The following SLC67A1 variants were observed in gnomAD, a reference collection of about 807,000 sequenced individuals.
SLC67A1 encodes solute carrier family 67 member 1.
chr11:2,915,296 T>TGTGC, the SLC67A1 span: 129 of 905,008 alleles, frequency 1.4e-4, no homozygotes, highest in South Asian at 1.3e-3. Context: ...TGTGTGTGTG[T>TGTGC]GCGCATGTGG....
chr11:2,909,425 C>G, the SLC67A1 span: 3 of 1,464,436 alleles, frequency 2.0e-6, no homozygotes, highest in South Asian at 2.6e-5. Context: ...CCCGGGACAC[C>G]TCCAGGGAGG....
At chr11:2,917,721 C>T in the SLC67A1 span, among the ~76,000 whole-genome samples, 112 of 152,354 alleles carry the variant, frequency 7.4e-4, no homozygotes, top group Middle Eastern at 0.017. Context: ...AGTCTACCTG[C>T]GTGCAGAGAA....
At chr11:2,902,439 C>A in the SLC67A1 span, 2 of 239,410 alleles carry the variant, frequency 8.4e-6, no homozygotes, top group Non-Finnish European at 1.4e-5. Context: ...CGCACCTCTG[C>A]CCAATGAGGT....
At chr11:2,915,110 C>G in the SLC67A1 span, 4 of 985,258 alleles carry the variant, frequency 4.1e-6, no homozygotes, top group Admixed American at 2.5e-4. Flanking sequence ...ATGCCAGCAC[C>G]CCCCTAGACT....
At chr11:2,922,240 C>T in the SLC67A1 span, 1 of 1,584,706 alleles carries the variant, frequency 6.3e-7, no homozygotes, top group Admixed American at 1.7e-5. Flanking sequence ...TCACCTGACC[C>T]TCTCACTGGG....
At chr11:2,924,923 G>A in the SLC67A1 span, 1 of 1,281,502 alleles carries the variant, frequency 7.8e-7, no homozygotes, top group Non-Finnish European at 1.1e-6. The surrounding 1 kb of genome is among the most constrained non-coding windows in gnomAD (Gnocchi z 8.6). Context: ...TGGGTCAGGA[G>A]AGATGGGAGG....
At chr11:2,916,724 C>T in the SLC67A1 span, 2 of 1,613,006 alleles carry the variant, frequency 1.2e-6, 1 homozygote, top group South Asian at 2.2e-5. Context: ...AAACTGACGC[C>T]CAGGCTCCAC....
the SLC67A1 span, among the ~76,000 whole-genome samples, chr11:2,924,034 A>ACCCTCTGGGCACGGGACCAGAGG: frequency 1.3e-5 from 2 of 151,994 alleles, no homozygotes; most frequent in African/African-American, 4.8e-5. This position sits in a 1 kb window ranked among gnomAD's most constrained non-coding sequence, Gnocchi z 8.6. Context: ...GGAGCCAGAG[A>ACCCTCTGGGCACGGGACCAGAGG]CCCTCTGGGC....
At chr11:2,918,907 C>T in the SLC67A1 span, 1 of 190,248 alleles carries the variant, frequency 5.3e-6, no homozygotes. Context: ...CTTTTCCAGG[C>T]TGGTCTCAAA....
chr11:2,908,386 G>A, the SLC67A1 span: 1 of 1,344,718 alleles, frequency 7.4e-7, no homozygotes, highest in Non-Finnish European at 1.0e-6. Flanking sequence ...CCCCCTCTCA[G>A]ACGCCATGGG....
the SLC67A1 span, chr11:2,922,492 C>G: frequency 6.2e-7 from 1 of 1,612,800 alleles, no homozygotes; most frequent in East Asian, 2.2e-5. Context: ...TGGTGTTCAG[C>G]CTCTGCACCC....
the SLC67A1 span, among the ~76,000 whole-genome samples, chr11:2,904,829 G>A: frequency 6.6e-6 from 1 of 152,232 alleles, no homozygotes; most frequent in Non-Finnish European, 1.5e-5. Flanking sequence ...GAGAGGCCCC[G>A]GGGCAGTGGA....
the SLC67A1 span, chr11:2,917,900 G>C: frequency 5.7e-4 from 577 of 1,008,546 alleles, 2 homozygotes; most frequent in African/African-American, 7.2e-3. Context: ...GCGCAACAGG[G>C]CCCTCCGAAT....
At chr11:2,918,941 C>T in the SLC67A1 span, 2 of 229,512 alleles carry the variant, frequency 8.7e-6, no homozygotes, top group Non-Finnish European at 1.8e-5. Flanking sequence ...TCAGTCCTCC[C>T]TCTTCGGCCT....
the SLC67A1 span, chr11:2,919,267 G>T: frequency 6.7e-7 from 1 of 1,488,026 alleles, no homozygotes; most frequent in African/African-American, 1.4e-5. Flanking sequence ...CAAGGTCGGG[G>T]TGTGGGGGTA....
the SLC67A1 span, chr11:2,899,706 A>T: frequency 1.3e-5 from 20 of 1,491,308 alleles, no homozygotes; most frequent in Non-Finnish European, 1.8e-5. Context: ...CCCCATTCAC[A>T]CTGAGCCTGT....
chr11:2,908,094 GC>G, the SLC67A1 span: 1 of 610,454 alleles, frequency 1.6e-6, no homozygotes, highest in South Asian at 1.9e-5. Context: ...CCTGGGAAGG[GC>G]CCCTCGATGG....
the SLC67A1 span, among the ~76,000 whole-genome samples, chr11:2,922,916 G>A: frequency 6.6e-6 from 1 of 152,210 alleles, no homozygotes; most frequent in African/African-American, 2.4e-5. Flanking sequence ...CCAGCACGGG[G>A]AGTGGGGCAC....
the SLC67A1 span, chr11:2,903,669 C>A: frequency 1.5e-6 from 1 of 659,188 alleles, no homozygotes; most frequent in Non-Finnish European, 2.6e-6. Context: ...TCTGGACCCC[C>A]GTCAGCACAT....
Sources: gnomAD v4.1 joint callset for allele counts (sites outside exome capture counted in the v4.1 genomes callset) on GRCh38, gnomAD v4.1.1 for gene constraint, Gnocchi (gnomAD v3.1) non-coding constraint, MANE v1.5 for transcripts, NCBI Gene and HGNC (gene_info 2026-07-23, HGNC 2026-07-21) for gene names.